The following KCNN2 variants were observed in gnomAD, a reference collection of about 807,000 sequenced individuals.
KCNN2 encodes small conductance calcium-activated potassium channel protein 2.
Under a neutral mutation model 55.5 loss-of-function variants are expected in KCNN2, and 24 were observed. The observed-to-expected ratio is 0.43, with a 90% CI of 0.31 to 0.61. KCNN2 has a LOEUF of 0.61. Ranked by LOEUF, KCNN2 falls within the 20% of genes least tolerant of loss-of-function variation. The probability of loss-of-function intolerance (pLI) is 0.08; values close to 1 mark genes in which losing one functional copy is unlikely to be tolerated. For synonymous variants in KCNN2, 431 were observed against 336.1 expected, an observed-to-expected ratio of 1.28 and a Z score of -3.09; for missense variants, 754 against 853.6, an observed-to-expected ratio of 0.88 and a Z score of 1.45.
chr5:114,374,241 AAG>A (rs1757868449), intron 2 of KCNN2, among the ~76,000 whole-genome samples: 1 of 152,126 alleles, frequency 6.6e-6, no homozygotes, highest in African/African-American at 2.4e-5. Flanking sequence ...GGTGACTTAA[AAG>A]AGTTAAGTGA....
At chr5:114,067,923 GT>G (rs767142458) in intron 1 of KCNN2, among the ~76,000 whole-genome samples, 7 of 152,270 alleles carry the variant, frequency 4.6e-5, no homozygotes, top group Admixed American at 1.3e-4. Context: ...ATTATATGAA[GT>G]TTTTTTAGCA....
intron 1 of KCNN2, among the ~76,000 whole-genome samples, chr5:114,168,649 C>G (rs1388275818): frequency 1.3e-5 from 2 of 151,986 alleles, no homozygotes; most frequent in Non-Finnish European, 2.9e-5. Context: ...GCTCTCCGTT[C>G]TCAGTGTCAG....
intron 2 of KCNN2, among the ~76,000 whole-genome samples, chr5:114,276,023 A>C (rs1353308657): frequency 2.0e-5 from 3 of 152,142 alleles, no homozygotes; most frequent in South Asian, 2.1e-4. Context: ...ATTCTGGTAC[A>C]TTGTGTCTTT....
In KCNN2 at chr5:114,284,807, C is replaced by T. The variant is rs552721937; in HGVS notation, c.-185+63242C>T. The stretch of plus-strand genomic sequence containing the variant: ...TGCTAGGATTACAGGCGTCAGCCAC[C>T]GCGCCTAGCCGATCATCTCCATTTC... On this transcript the variant is annotated intron_variant, in intron 2 of 10. Transcript: ENST00000512097. Among the ~76,000 whole-genome samples, 377 of 152,008 alleles carry T rather than the reference C, an allele frequency of 2.5e-3. 1 individual carries two copies. The highest frequency in any genetic ancestry group is 8.1e-3 in the African/African-American group (338 of 41,522).
At chr5:114,444,396 G>A (rs1580842936) in intron 3 of KCNN2, among the ~76,000 whole-genome samples, 2 of 151,488 alleles carry the variant, frequency 1.3e-5, no homozygotes, top group South Asian at 2.1e-4. Context: ...TAAGATACAA[G>A]AAAAAAAAGA....
chr5:114,365,605 CT>C (rs1410773178), intron 2 of KCNN2, among the ~76,000 whole-genome samples: 1 of 152,204 alleles, frequency 6.6e-6, no homozygotes, highest in Non-Finnish European at 1.5e-5. Context: ...CAGCCCTATC[CT>C]AGCTTCCAGG....
intron 1 of KCNN2, among the ~76,000 whole-genome samples, chr5:114,148,194 A>C (rs772819971): frequency 1.4e-4 from 21 of 152,122 alleles, no homozygotes; most frequent in Non-Finnish European, 2.9e-4. Flanking sequence ...AATATGAAAA[A>C]AGTAGTCCTT....
intron 2 of KCNN2, among the ~76,000 whole-genome samples, chr5:114,399,752 T>C (rs1758727075): frequency 2.0e-5 from 3 of 152,152 alleles, no homozygotes; most frequent in Admixed American, 1.3e-4. Flanking sequence ...TTCTGATTGA[T>C]AGGCTTTTTA....
At chr5:114,243,848 T>C (rs10044377) in intron 2 of KCNN2, among the ~76,000 whole-genome samples, 3,713 of 152,264 alleles carry the variant, frequency 0.024, 138 homozygotes, top group African/African-American at 0.084. Flanking sequence ...AGGTTTCACT[T>C]TGGGTAAGAA....
chr5:114,145,616 G>A (rs1411250974), intron 1 of KCNN2, among the ~76,000 whole-genome samples: 2 of 152,094 alleles, frequency 1.3e-5, no homozygotes, highest in Non-Finnish European at 2.9e-5. Flanking sequence ...ATATTGAAAG[G>A]GGTTCCGTCT....
chr5:114,359,568 A>T (rs1413288765), upstream of KCNN2, among the ~76,000 whole-genome samples: 1 of 152,228 alleles, frequency 6.6e-6, no homozygotes, highest in Non-Finnish European at 1.5e-5. Context: ...TTCTTATGAC[A>T]GTTTAGTAAC....
At chr5:114,168,204 A>ACAACG (rs1752960074) in intron 1 of KCNN2, among the ~76,000 whole-genome samples, 1 of 143,664 alleles carries the variant, frequency 7.0e-6, no homozygotes, top group South Asian at 2.3e-4. Flanking sequence ...CACACACAAC[A>ACAACG]TCTAGGTAGT....
rs577451442 is a variant in KCNN2 at position 114,218,414 on chromosome 5, G to GAA, written c.-270-3064_-270-3063dup. ...ATGGAATATTATTCAGTACCACAAA[G>GAA]AAATGAGCTATCAAGCCATGAAAGG... On this transcript the variant is annotated intron_variant, in intron 1 of 10. Coordinates refer to the KCNN2 transcript ENST00000512097. Among the ~76,000 whole-genome samples the GAA allele has an allele frequency of 8.1e-4, 123 of 152,216 alleles. 1 individual carries two copies. Among genetic ancestry groups the GAA allele is most frequent in the Non-Finnish European group, 3.8e-4 (26 of 68,010 alleles).
chr5:114,193,744 T>A (rs1211959127), intron 1 of KCNN2, among the ~76,000 whole-genome samples: 1 of 152,108 alleles, frequency 6.6e-6, no homozygotes, highest in Admixed American at 6.5e-5. Flanking sequence ...GAACTTTCTG[T>A]TTCAGATCTG....
At chr5:114,178,969 A>T (rs529597941) in intron 1 of KCNN2, among the ~76,000 whole-genome samples, 47 of 152,250 alleles carry the variant, frequency 3.1e-4, no homozygotes, top group Non-Finnish European at 5.6e-4. Context: ...GCCCCTGGAG[A>T]CTTTGAATGC....
intron 3 of KCNN2, among the ~76,000 whole-genome samples, chr5:114,441,587 C>T (rs1242834471): frequency 6.6e-6 from 1 of 152,070 alleles, no homozygotes; most frequent in African/African-American, 2.4e-5. Context: ...CACTATATTC[C>T]TAGGAAAAAT....
At chr5:114,161,796 G>A (rs183735652) in intron 1 of KCNN2, among the ~76,000 whole-genome samples, 75 of 152,274 alleles carry the variant, frequency 4.9e-4, no homozygotes, top group African/African-American at 1.8e-3. Flanking sequence ...GATCACATCA[G>A]CTACTGAGGC....
chr5:114,284,960 G>A (rs1394427471), intron 2 of KCNN2, among the ~76,000 whole-genome samples: 1 of 152,000 alleles, frequency 6.6e-6, no homozygotes, highest in Non-Finnish European at 1.5e-5. Context: ...TACCCAGTCT[G>A]TAGGATTTTG....
intron 2 of KCNN2, among the ~76,000 whole-genome samples, chr5:114,225,227 T>A (rs1358368486): frequency 6.6e-6 from 1 of 152,218 alleles, no homozygotes; most frequent in Non-Finnish European, 1.5e-5. Context: ...TCTCATTAAT[T>A]AATTTAAAGA....
Sources: allele counts gnomAD v4.1 joint callset (sites outside exome capture counted in the v4.1 genomes callset), GRCh38; gene constraint gnomAD v4.1.1; transcripts MANE v1.5; gene names NCBI Gene and HGNC (gene_info 2026-07-23, HGNC 2026-07-21).